TPX2: variants seen among roughly 807,000 people sequenced by gnomAD.
TPX2 encodes the protein targeting protein for Xklp2.
TPX2 carries 21 observed loss-of-function variants against 93.6 expected under a neutral mutation model. The observed-to-expected ratio is 0.22, with a 90% CI of 0.16 to 0.32. The LOEUF is 0.32. TPX2 is among the 10% of genes least tolerant of loss of function. The probability of loss-of-function intolerance (pLI) is 1.00; values close to 1 mark genes in which losing one functional copy is unlikely to be tolerated. For synonymous variants in TPX2, 281 were observed against 298.3 expected, an observed-to-expected ratio of 0.94 and a Z score of 0.60; for missense variants, 776 against 871.1, an observed-to-expected ratio of 0.89 and a Z score of 1.37.
chr20:31,786,871 T>A (rs2062070538), intron 12 of TPX2, among the ~76,000 whole-genome samples: 1 of 152,146 alleles, frequency 6.6e-6, no homozygotes, highest in Non-Finnish European at 1.5e-5. Flanking sequence ...AAATTCTGTG[T>A]AAACAGATCT....
rs375095645 is a variant in TPX2 at position 31,778,633 on chromosome 20, A to AT, written c.883-172dup. 8.0e-3 allele frequency among the ~76,000 whole-genome samples: 1,210 copies of AT among 152,036 alleles called. 15 individuals carry two copies. Among genetic ancestry groups the AT allele is most frequent in the Non-Finnish European group, 0.011 (772 of 67,956 alleles). On this transcript the variant is annotated intron_variant, in intron 9 of 17. Coordinates refer to ENST00000300403, the MANE Select transcript of TPX2 (RefSeq NM_012112.5). The stretch of plus-strand genomic sequence containing the variant: ...TGCTAGATCCTTTCTTCCATTTTTA[A>AT]TTTTTTTTAATGAGAACAGATTAGT...
chr20:31,801,034 T>C lies in TPX2; in HGVS notation c.2198T>C (p.Leu733Pro). ...GLEIKSSDQP[L>P]TVPVSPKFST... ...GAGATAAAGTCAAGTGACCAGCCTC[T>C]GACTGTGCCTGTATCTCCCAAATTC... The change falls in exon 18 of 18, where the codon CTG becomes CCG. Residue 733 changes from leucine (L) to proline (P), a missense_variant. By Grantham distance (98) the Leu-to-Pro change is moderately conservative. Transcript: ENST00000300403. 6.2e-7 allele frequency: 1 copy of C among 1,614,220 alleles called. No homozygotes were observed. The highest frequency in any genetic ancestry group is 8.5e-7 in the Non-Finnish European group (1 of 1,180,030).
chr20:31,760,270 C>G, intron 4 of TPX2, 91 bp downstream of exon 4: 1 of 1,516,510 alleles, frequency 6.6e-7, no homozygotes, highest in South Asian at 1.2e-5. Flanking sequence ...CCTAAATGCT[C>G]TATCTCTTTG....
Position 31,757,513 on chromosome 20 carries a change from C to T in TPX2, c.37C>T (p.Pro13Ser). The change falls in exon 3 of 18, where the codon CCC (proline) becomes TCC (serine). Residue 13 changes from proline (P) to serine (S), a missense_variant. By Grantham distance (74) the Pro-to-Ser change is moderately conservative (BLOSUM62 -1). Around this residue, in one of 3 missense-constraint regions of TPX2, gnomAD observed 36 missense variants for 58.3 expected, o/e 0.62. Coordinates refer to ENST00000300403, the MANE Select transcript of TPX2 (RefSeq NM_012112.5). ...QVKSSYSYDA[P>S]SDFINFSSLD... ...TAAAAGCTCTTATTCCTATGATGCC[C>T]CCTCGGATTTCATCAATTTTTCATC... The T allele has an allele frequency of 5.0e-6, 8 of 1,613,910 alleles. No homozygotes were observed. The highest frequency in any genetic ancestry group is 6.8e-6 in the Non-Finnish European group (8 of 1,179,964).
At chr20:31,763,182 T>C (rs1459390037) in intron 4 of TPX2, among the ~76,000 whole-genome samples, 1 of 152,138 alleles carries the variant, frequency 6.6e-6, no homozygotes, top group African/African-American at 2.4e-5. Flanking sequence ...ATGTGAATTT[T>C]AGGTTTTTTT....
chr20:31,787,172 C>G (rs1220689479), intron 12 of TPX2, among the ~76,000 whole-genome samples: 1 of 150,152 alleles, frequency 6.7e-6, no homozygotes, highest in Non-Finnish European at 1.5e-5. Flanking sequence ...GGAGTCTATA[C>G]TTATCCCTAT....
At chr20:31,775,459 T>TC (rs1455920203) in intron 7 of TPX2, among the ~76,000 whole-genome samples, 1 of 151,694 alleles carries the variant, frequency 6.6e-6, no homozygotes, top group East Asian at 1.9e-4. Flanking sequence ...CCCTGCAACC[T>TC]CCCCCTCCCA....
rs562084755 is a variant in TPX2, at chr20:31,765,260, C to A, written c.230-1296C>A. ...ATTGATTGAGGCCAGGAGTTTGAGA[C>A]CAGCCTGGGCAATATACTGAGACCC... On this transcript the variant is annotated intron_variant, in intron 4 of 17. Coordinates refer to ENST00000300403, the MANE Select transcript of TPX2 (RefSeq NM_012112.5). 2.7e-5 allele frequency among the ~76,000 whole-genome samples: 4 copies of A among 149,784 alleles called. No homozygotes were observed. The South Asian group carries it at 8.4e-4, about 32-fold the overall frequency.
chr20:31,789,677 T>C (rs2062088299), intron 12 of TPX2, among the ~76,000 whole-genome samples: 2 of 152,124 alleles, frequency 1.3e-5, no homozygotes, highest in South Asian at 4.1e-4. Context: ...TTATTTCTAA[T>C]CGAGCCCCTA....
chr20:31,785,818 A>G (rs1333731485), intron 12 of TPX2, among the ~76,000 whole-genome samples: 1 of 152,052 alleles, frequency 6.6e-6, no homozygotes, highest in Non-Finnish European at 1.5e-5. Flanking sequence ...TTTTAATAAC[A>G]TATTTTCCTC....
intron 10 of TPX2, among the ~76,000 whole-genome samples, chr20:31,780,403 T>C (rs929512460): frequency 6.6e-6 from 1 of 152,188 alleles, no homozygotes; most frequent in African/African-American, 2.4e-5. Context: ...CAAAATGATT[T>C]TGTTAGATTT....
chr20:31,798,228 C>G, intron 16 of TPX2, 137 bp from the exon 17 acceptor site: 1 of 1,074,428 alleles, frequency 9.3e-7, no homozygotes, highest in Non-Finnish European at 1.4e-6. Context: ...GTTGGCTCTA[C>G]CTTTCTCCCA....
chr20:31,795,824 A>G (rs1039986402), intron 15 of TPX2, among the ~76,000 whole-genome samples: 1 of 152,252 alleles, frequency 6.6e-6, no homozygotes, highest in Non-Finnish European at 1.5e-5. Context: ...TTGGGATCTA[A>G]TTCTACGTGG....
At chr20:31,771,801 A>G in intron 7 of TPX2, 119 bp downstream of exon 7, 1 of 1,197,384 alleles carries the variant, frequency 8.4e-7, no homozygotes, top group Non-Finnish European at 1.2e-6. Flanking sequence ...GACCATGGTG[A>G]GGTGAATTGT....
intron 7 of TPX2, among the ~76,000 whole-genome samples, chr20:31,773,920 G>A (rs946987939): frequency 5.9e-5 from 9 of 151,382 alleles, no homozygotes; most frequent in East Asian, 3.9e-4. Flanking sequence ...TGTTCAGGCT[G>A]GAGTGCAGTG....
intron 8 of TPX2, among the ~76,000 whole-genome samples, chr20:31,776,761 A>G (rs2062002891): frequency 1.3e-5 from 2 of 151,290 alleles, no homozygotes; most frequent in South Asian, 2.1e-4. Flanking sequence ...TCCTGGCGTC[A>G]GGTGATCCGC....
chr20:31,800,485 A>AT (rs1319915843), intron 17 of TPX2, among the ~76,000 whole-genome samples: 1 of 152,206 alleles, frequency 6.6e-6, no homozygotes, highest in Non-Finnish European at 1.5e-5. Flanking sequence ...TAAAGGATGG[A>AT]TGGGACCATG....
At chr20:31,756,855 G>A (rs772035828) in intron 2 of TPX2, among the ~76,000 whole-genome samples, 1 of 152,058 alleles carries the variant, frequency 6.6e-6, no homozygotes, top group African/African-American at 2.4e-5. Flanking sequence ...TTGAACTCCT[G>A]ACCTCAGGTG....
Position 31,750,202 on chromosome 20 carries a change from G to A in TPX2, c.-70-7205G>A, listed in dbSNP as rs528206538. 3.2e-4 allele frequency among the ~76,000 whole-genome samples: 48 copies of A among 151,326 alleles called. No individual in the cohort carries two copies. The East Asian group carries it at 7.6e-3, about 24-fold the overall frequency. ...GACGGAGTTTCGCTCTTGTTGCCCCGGCTGGAGTGCGATGGTGCGATCTTG... is the reference window on the plus strand; with the variant it reads ...GACGGAGTTTCGCTCTTGTTGCCCCAGCTGGAGTGCGATGGTGCGATCTTG... On this transcript the variant is annotated intron_variant, in intron 2 of 17. Coordinates refer to ENST00000300403, the MANE Select transcript of TPX2 (RefSeq NM_012112.5).
Sources: gnomAD v4.1 joint callset for allele counts (sites outside exome capture counted in the v4.1 genomes callset) on GRCh38, gnomAD v4.1.1 for gene constraint, gnomAD v4.1.1 regional missense constraint, MANE v1.5 for transcripts, NCBI Gene and HGNC (gene_info 2026-07-23, HGNC 2026-07-21) for gene names.